NAALADL2: variants seen among roughly 807,000 people sequenced by gnomAD.
NAALADL2 encodes N-acetylated alpha-linked acidic dipeptidase like 2.
A neutral mutation model predicts 87.2 loss-of-function variants in NAALADL2; 76 were observed. The ratio of observed to expected loss-of-function variants is 0.87; its 90% CI spans 0.72 to 1.05. The LOEUF (loss-of-function observed/expected upper bound fraction) is 1.05. Ranked by LOEUF, NAALADL2 falls within the 50% of genes least tolerant of loss-of-function variation. The pLI, the probability that NAALADL2 is intolerant of heterozygous loss-of-function variation, is 0.00. For synonymous variants in NAALADL2, 354 were observed against 331.0 expected (o/e 1.07, Z -0.75); for missense variants, 1,089 against 945.8 (o/e 1.15, Z -1.99).
intron 1 of NAALADL2, among the ~76,000 whole-genome samples, chr3:175,089,475 C>A (rs1172765130): frequency 1.3e-5 from 2 of 152,150 alleles, no homozygotes; most frequent in Non-Finnish European, 2.9e-5. Context: ...CAGATAACCT[C>A]ATCTATAAAA....
Position 174,495,200 on chromosome 3 carries a change from A to G in NAALADL2, c.-184+54168A>G, listed in dbSNP as rs183985708. 2.1e-3 allele frequency among the ~76,000 whole-genome samples: 323 copies of G among 150,770 alleles called. 1 individual carries two copies. Among genetic ancestry groups the G allele is most frequent in the African/African-American group, 7.3e-3 (300 of 41,186 alleles). Reference sequence around the variant, plus strand: ...CTATTTGTAAATTCAGAGCCATTTTAGAATAAATGAAGGATTCAGCAATAT... The same window carrying G: ...CTATTTGTAAATTCAGAGCCATTTTGGAATAAATGAAGGATTCAGCAATAT... On this transcript the variant is annotated intron_variant, in intron 1 of 3. Coordinates refer to the NAALADL2 transcript ENST00000434257.
intron 5 of NAALADL2, among the ~76,000 whole-genome samples, chr3:175,372,037 TA>T (rs925155809): frequency 6.6e-6 from 1 of 152,090 alleles, no homozygotes; most frequent in Non-Finnish European, 1.5e-5. Flanking sequence ...ATAATTACTC[TA>T]AAAAAAGTCC....
At chr3:174,475,439 A>T (rs1717157540) in intron 1 of NAALADL2, among the ~76,000 whole-genome samples, 1 of 138,002 alleles carries the variant, frequency 7.2e-6, no homozygotes, top group South Asian at 2.5e-4. Flanking sequence ...AATGAGTTTA[A>T]TTTTATATAA....
intron 2 of NAALADL2, among the ~76,000 whole-genome samples, chr3:175,169,751 T>G (rs1734525220): frequency 6.6e-6 from 1 of 151,804 alleles, no homozygotes; most frequent in Non-Finnish European, 1.5e-5. Flanking sequence ...CAACCAGACT[T>G]TGATGATAGC....
intron 11 of NAALADL2, among the ~76,000 whole-genome samples, chr3:175,646,725 A>T (rs59116144): frequency 0.01 from 1,543 of 152,186 alleles, 26 homozygotes; most frequent in African/African-American, 0.035. Flanking sequence ...CGGAGACACA[A>T]CTTACCTGGT....
At position 174,778,100 on chromosome 3, in the gene NAALADL2, T is replaced by A. The variant is rs558593690; in HGVS notation, c.-9+40354T>A. Reference sequence around the variant, plus strand: ...TGGTATTATGCTAGATACTATGCTATGTCCCAAGTAGAGAGACATTCTAGA... The same window carrying A: ...TGGTATTATGCTAGATACTATGCTAAGTCCCAAGTAGAGAGACATTCTAGA... On this transcript the variant is annotated intron_variant, in intron 3 of 3. Coordinates refer to the NAALADL2 transcript ENST00000434257. 2.6e-5 allele frequency among the ~76,000 whole-genome samples: 4 copies of A among 152,202 alleles called. No individual in the cohort carries two copies. The South Asian group carries it at 8.3e-4, about 32-fold the overall frequency.
At chr3:175,465,727 T>C (rs1410753320) in intron 7 of NAALADL2, among the ~76,000 whole-genome samples, 2 of 152,112 alleles carry the variant, frequency 1.3e-5, no homozygotes, top group African/African-American at 4.8e-5. Context: ...TGTCTCGGCC[T>C]CCCAAAATAC....
At chr3:174,840,429 G>T (rs1032374964) in intron 3 of NAALADL2, among the ~76,000 whole-genome samples, 2 of 152,044 alleles carry the variant, frequency 1.3e-5, no homozygotes, top group Admixed American at 1.3e-4. Flanking sequence ...TTTTTAAAAT[G>T]TTAAGGAAAT....
In NAALADL2 at chr3:175,368,111, A is replaced by G. The variant is rs1765895347; in HGVS notation, c.1090+43786A>G. On this transcript the variant is annotated intron_variant, in intron 5 of 13. Coordinates refer to ENST00000454872, the MANE Select transcript of NAALADL2 (RefSeq NM_207015.3). ...AGGCCTTTTCTGCATCTATTGAGAT[A>G]ATCATGTGGTTTTTGTCTTTGGTTC... Among the ~76,000 whole-genome samples the G allele has an allele frequency of 2.0e-5, 3 of 152,216 alleles. No homozygotes were observed. In the South Asian group the frequency reaches 6.2e-4, roughly 32 times the overall value.
chr3:174,574,219 T>C (rs547850694), intron 2 of NAALADL2, among the ~76,000 whole-genome samples: 1 of 151,832 alleles, frequency 6.6e-6, no homozygotes, highest in Non-Finnish European at 1.5e-5. Context: ...TAAAAGAAAA[T>C]TCAAGAAGAG....
At chr3:175,042,018 C>T (rs1754129215) in intron 1 of NAALADL2, among the ~76,000 whole-genome samples, 1 of 152,098 alleles carries the variant, frequency 6.6e-6, no homozygotes, top group African/African-American at 2.4e-5. Flanking sequence ...ACATTAGGTC[C>T]TCAGAATTTA....
chr3:175,447,636 A>ATTTT (rs1720911492), intron 6 of NAALADL2, among the ~76,000 whole-genome samples: 1 of 152,224 alleles, frequency 6.6e-6, no homozygotes, highest in Admixed American at 6.5e-5. Context: ...TAAATAAAGC[A>ATTTT]TTTTTGTACA....
intron 2 of NAALADL2, among the ~76,000 whole-genome samples, chr3:174,594,398 G>A (rs1346480698): frequency 6.6e-6 from 1 of 152,102 alleles, no homozygotes; most frequent in Non-Finnish European, 1.5e-5. Context: ...ACATCGTTGG[G>A]AAGATTTGCA....
intron 8 of NAALADL2, among the ~76,000 whole-genome samples, chr3:175,471,208 G>A (rs887489161): frequency 7.2e-5 from 11 of 151,804 alleles, no homozygotes; most frequent in African/African-American, 2.4e-4. Context: ...AATTATGGCC[G>A]GGTGCGGTGG....
In NAALADL2 at chr3:175,234,348, A is replaced by G. The variant is rs1043674127; in HGVS notation, c.819+144A>G. 13 of 877,834 alleles carry G rather than the reference A, an allele frequency of 1.5e-5. No homozygotes were observed. In the African/African-American group the frequency reaches 1.9e-4, roughly 13 times the overall value. 54.4% of individuals were successfully genotyped at this position (877,834 alleles called of 1,614,324 possible). A position where few individuals can be genotyped will look rare whatever the true frequency, so the allele number is the denominator to read the frequency against. On this transcript the variant is annotated intron_variant, in intron 3 of 13. Coordinates refer to ENST00000454872, the MANE Select transcript of NAALADL2 (RefSeq NM_207015.3). ...CAGTGTGGAAGTGCCAGGAAAGAGA[A>G]GGAAGATGTGGCCCTCCTGACCCTT...
intron 1 of NAALADL2, among the ~76,000 whole-genome samples, chr3:174,865,086 C>T (rs188411743): frequency 6.6e-6 from 1 of 151,890 alleles, no homozygotes; most frequent in African/African-American, 2.4e-5. Context: ...TCGAACACTT[C>T]GGGAGGCTCT....
chr3:175,139,572 T>G (rs1210542577), intron 2 of NAALADL2, among the ~76,000 whole-genome samples: 1 of 152,108 alleles, frequency 6.6e-6, no homozygotes, highest in Non-Finnish European at 1.5e-5. Flanking sequence ...TATCTTCCCT[T>G]AGTATCACCT....
At chr3:174,784,281 A>T (rs767243291) in intron 3 of NAALADL2, among the ~76,000 whole-genome samples, 4 of 152,216 alleles carry the variant, frequency 2.6e-5, no homozygotes. Context: ...AAAATTATAC[A>T]TATGCATATG....
intron 1 of NAALADL2, among the ~76,000 whole-genome samples, chr3:174,452,943 C>T (rs112741543): frequency 5.3e-4 from 80 of 152,102 alleles, no homozygotes; most frequent in Non-Finnish European, 1.0e-3. Context: ...AGATGACTGA[C>T]GTGACAGAAA....
Sources: gnomAD v4.1 joint callset for allele counts (sites outside exome capture counted in the v4.1 genomes callset) on GRCh38, gnomAD v4.1.1 for gene constraint, MANE v1.5 for transcripts, NCBI Gene and HGNC (gene_info 2026-07-23, HGNC 2026-07-21) for gene names.